The following SGSM1 variants were observed in gnomAD, a reference collection of about 807,000 sequenced individuals.
SGSM1 encodes RUN and TBC1 domain containing 2.
A neutral mutation model predicts 133.8 loss-of-function variants in SGSM1; 73 were observed. The ratio of observed to expected loss-of-function variants is 0.55; its 90% CI spans 0.45 to 0.66. The LOEUF is 0.66. SGSM1 is among the 30% of genes least tolerant of loss of function. The pLI, the probability that SGSM1 is intolerant of heterozygous loss-of-function variation, is 0.00. For missense variants in SGSM1, 1,213 were observed against 1,448.1 expected, an observed-to-expected ratio of 0.84 and a Z score of 2.64; for synonymous variants, 563 against 573.0, an observed-to-expected ratio of 0.98 and a Z score of 0.25.
intron 15 of SGSM1, among the ~76,000 whole-genome samples, chr22:24,886,328 G>A (rs1328969084): frequency 6.6e-6 from 1 of 152,036 alleles, no homozygotes; most frequent in Non-Finnish European, 1.5e-5. Flanking sequence ...TTGAAACTGG[G>A]AGGCGGAGGT....
rs762880977 is a variant in SGSM1, at chr22:24,855,530, T to C, written c.670-19T>C. On this transcript the variant is annotated intron_variant, in intron 7 of 24. Transcript: ENST00000400358. ...TCACCCCAGGCCTCATCCCTCTGTC[T>C]CCCGTCACTCTCTACCAGATCCAGA... 6.2e-7 allele frequency: 1 copy of C among 1,613,616 alleles called. No individual in the cohort carries two copies. Among genetic ancestry groups the C allele is most frequent in the Non-Finnish European group, 8.5e-7 (1 of 1,179,758 alleles).
chr22:24,857,546 T>G (rs1452947002), intron 8 of SGSM1, among the ~76,000 whole-genome samples: 1 of 152,246 alleles, frequency 6.6e-6, no homozygotes, highest in Non-Finnish European at 1.5e-5. Context: ...AGTTTTGTTT[T>G]GTTTTTTAAT....
rs1314045808 is a variant in SGSM1, at chr22:24,806,250, A to G, written c.-76A>G. ...CCCGCCCCGCCGCGGCTGCAGCAGCAGCGCCGCGGCCGGAGGAGCTACCGC... is the reference window on the plus strand; with the variant it reads ...CCCGCCCCGCCGCGGCTGCAGCAGCGGCGCCGCGGCCGGAGGAGCTACCGC... On this transcript the variant is annotated 5_prime_UTR_variant, in exon 1 of 25. Coordinates refer to ENST00000400358, the MANE Select transcript of SGSM1 (RefSeq NM_001098497.3). 2 of 1,333,902 alleles carry G rather than the reference A, an allele frequency of 1.5e-6. No individual in the cohort carries two copies. The highest frequency in any genetic ancestry group is 1.9e-6 in the Non-Finnish European group (2 of 1,048,054). The allele number at this position is 1,333,902 out of a possible 1,614,324, so 82.6% of individuals were successfully genotyped here. A position where few individuals can be genotyped will look rare whatever the true frequency, so the allele number is the denominator to read the frequency against.
chr22:24,813,972 C>T (rs1927911707), intron 2 of SGSM1: 1 of 152,418 alleles, frequency 6.6e-6, no homozygotes, highest in Admixed American at 6.5e-5. Flanking sequence ...GTCCTTGTTC[C>T]AGTTCTGACC....
chr22:24,877,791 A>ATTCT (rs1305678554), intron 13 of SGSM1, among the ~76,000 whole-genome samples: 1 of 116,980 alleles, frequency 8.5e-6, no homozygotes, highest in Non-Finnish European at 1.8e-5. Context: ...ATTACTGGAG[A>ATTCT]TTCTTTCTTT....
chr22:24,845,942 TTTCTTTCTTTCTTTC>T (rs1569144623), intron 3 of SGSM1, among the ~76,000 whole-genome samples: 2 of 16,186 alleles, frequency 1.2e-4, no homozygotes, highest in Non-Finnish European at 3.0e-4. Flanking sequence ...TTTCTTTTCT[TTTCTTTCTTTCTTTC>T]TTTCTTTCTT....
chr22:24,856,572 T>C (rs1930802533), intron 8 of SGSM1, among the ~76,000 whole-genome samples: 1 of 152,140 alleles, frequency 6.6e-6, no homozygotes, highest in Admixed American at 6.5e-5. Context: ...ATGGTCATTG[T>C]GGTGTTTGGC....
intron 24 of SGSM1, among the ~76,000 whole-genome samples, chr22:24,922,753 G>A (rs984316465): frequency 6.6e-6 from 1 of 152,204 alleles, no homozygotes; most frequent in Non-Finnish European, 1.5e-5. Context: ...TGGGATTACA[G>A]GCGTGAGCCA....
rs550690837 is a variant in SGSM1, at chr22:24,879,560, G to A, written c.1495+34G>A. 5.8e-5 allele frequency: 93 copies of A among 1,601,146 alleles called. No homozygotes were observed. The East Asian group carries it at 1.5e-3, about 26-fold the overall frequency. Reference sequence around the variant, plus strand: ...AGGGCTCCATTGCCAGTGTGTCTCCGTGGAGCAGCTATTGGTGCCTGCTGT... The same window carrying A: ...AGGGCTCCATTGCCAGTGTGTCTCCATGGAGCAGCTATTGGTGCCTGCTGT... On this transcript the variant is annotated intron_variant, in intron 14 of 24. Coordinates refer to ENST00000400358, the MANE Select transcript of SGSM1 (RefSeq NM_001098497.3).
chr22:24,831,906 G>T (rs992182598), intron 2 of SGSM1, among the ~76,000 whole-genome samples: 1 of 152,172 alleles, frequency 6.6e-6, no homozygotes, highest in Non-Finnish European at 1.5e-5. Flanking sequence ...GAAAGAGGAA[G>T]GGGAAGAGAC....
intron 12 of SGSM1, among the ~76,000 whole-genome samples, chr22:24,871,517 A>G (rs1931762653): frequency 6.6e-6 from 1 of 152,106 alleles, no homozygotes; most frequent in Non-Finnish European, 1.5e-5. Context: ...CTGCTGTCCC[A>G]CTGTCCCTAT....
intron 22 of SGSM1, among the ~76,000 whole-genome samples, chr22:24,915,154 G>C (rs1241517128): frequency 6.6e-6 from 1 of 152,174 alleles, no homozygotes; most frequent in Non-Finnish European, 1.5e-5. Flanking sequence ...GTGTGAACCC[G>C]GGAGGCGGAG....
chr22:24,834,584 T>G (rs1042074740), intron 2 of SGSM1, among the ~76,000 whole-genome samples: 4 of 152,160 alleles, frequency 2.6e-5, no homozygotes, highest in Non-Finnish European at 5.9e-5. Context: ...CGACATAAAC[T>G]GATTTTCTCA....
rs564038569 is a variant in SGSM1 at position 24,806,661 on chromosome 22, G to A, written c.63+177G>A. 3.3e-5 allele frequency among the ~76,000 whole-genome samples: 5 copies of A among 152,118 alleles called. No individual in the cohort carries two copies. In the South Asian group the frequency reaches 8.3e-4, roughly 25 times the overall value. Reference sequence around the variant, plus strand: ...GCAGGAGGCGCAGCGAGGGAGTTTGGGGGTGGGCGTAGGTGTGGGGAGGCT... The same window carrying A: ...GCAGGAGGCGCAGCGAGGGAGTTTGAGGGTGGGCGTAGGTGTGGGGAGGCT... On this transcript the variant is annotated intron_variant, in intron 2 of 24. Coordinates refer to ENST00000400358, the MANE Select transcript of SGSM1 (RefSeq NM_001098497.3).
chr22:24,807,355 CT>C (rs780370575), intron 2 of SGSM1, among the ~76,000 whole-genome samples: 1 of 152,066 alleles, frequency 6.6e-6, no homozygotes, highest in African/African-American at 2.4e-5. Context: ...AAGTGTATCT[CT>C]TTGCACTGTG....
chr22:24,900,672 C>T (rs1243322498), intron 19 of SGSM1, among the ~76,000 whole-genome samples: 11 of 152,180 alleles, frequency 7.2e-5, no homozygotes, highest in Admixed American at 6.5e-4. Context: ...GCTGGGATTA[C>T]AGGCATGAGC....
intron 16 of SGSM1, among the ~76,000 whole-genome samples, chr22:24,892,775 G>A (rs370746835): frequency 2.7e-5 from 4 of 150,548 alleles, no homozygotes; most frequent in Non-Finnish European, 3.0e-5. Flanking sequence ...TTGGCCGGGC[G>A]CAGTGGCTCA....
intron 15 of SGSM1, 80 bp downstream of exon 15, chr22:24,884,278 A>G (rs900620280): frequency 6.6e-6 from 10 of 1,514,618 alleles, no homozygotes; most frequent in Non-Finnish European, 8.9e-6. Context: ...ATAAGCCCAC[A>G]TGCTTGTGGG....
intron 9 of SGSM1, among the ~76,000 whole-genome samples, chr22:24,865,979 T>G (rs186343258): frequency 6.6e-6 from 1 of 152,202 alleles, no homozygotes; most frequent in African/African-American, 2.4e-5. Context: ...GCAAATGTGG[T>G]GATAGATCCA....
Sources: allele counts gnomAD v4.1 joint callset (sites outside exome capture counted in the v4.1 genomes callset), GRCh38; gene constraint gnomAD v4.1.1; transcripts MANE v1.5; gene names NCBI Gene and HGNC (gene_info 2026-07-23, HGNC 2026-07-21).